RNF144A: variants seen among roughly 807,000 people sequenced by gnomAD.
The protein encoded by RNF144A is ring finger protein 144A.
In RNF144A, 11 loss-of-function variants were observed where a neutral mutation model predicts 38.7. The ratio of observed to expected loss-of-function variants is 0.28; its 90% CI spans 0.18 to 0.47. RNF144A has a LOEUF of 0.47. RNF144A is among the 20% of genes least tolerant of loss of function. RNF144A has a pLI of 0.99. For synonymous variants in RNF144A, 149 were observed against 143.9 expected (o/e 1.04, Z -0.25); for missense variants, 316 against 377.2 (o/e 0.84, Z 1.34).
intron 2 of RNF144A, among the ~76,000 whole-genome samples, chr2:6,983,909 C>G (rs983778979): frequency 6.6e-6 from 1 of 152,210 alleles, no homozygotes; most frequent in African/African-American, 2.4e-5. Flanking sequence ...CAGCACCGAT[C>G]TTGAAACTGC....
downstream of RNF144A, among the ~76,000 whole-genome samples, chr2:7,071,289 A>C (rs1286367377): frequency 6.6e-6 from 1 of 152,140 alleles, no homozygotes; most frequent in Non-Finnish European, 1.5e-5. Flanking sequence ...AGCCAGCTGC[A>C]GATGTGTGGT....
intron 6 of RNF144A, among the ~76,000 whole-genome samples, chr2:7,054,581 G>T (rs1012343256): frequency 6.6e-6 from 1 of 152,188 alleles, no homozygotes; most frequent in Admixed American, 6.5e-5. Context: ...CGGTCTGAAT[G>T]TATGTGTTTC....
Position 6,981,418 on chromosome 2 carries a change from C to T in RNF144A, c.-11-15498C>T, listed in dbSNP as rs547267421. Among the ~76,000 whole-genome samples the T allele has an allele frequency of 4.6e-5, 7 of 152,128 alleles. No homozygotes were observed. In the South Asian group the frequency reaches 6.2e-4, roughly 14 times the overall value. ...TGTGTGCTTTCAGGAAAAGCCAGGT[C>T]GCATCTCGATGCTTTGCTGCTTAGA... On this transcript the variant is annotated intron_variant, in intron 2 of 8. Transcript: ENST00000320892.
chr2:6,936,879 C>G (rs1000701438), intron 1 of RNF144A, among the ~76,000 whole-genome samples: 5 of 69,154 alleles, frequency 7.2e-5, no homozygotes, highest in Admixed American at 1.4e-4. Flanking sequence ...GTGTGTGTGT[C>G]ACTGAGGGCC....
At chr2:6,947,922 GA>G (rs1666442984) in intron 2 of RNF144A, among the ~76,000 whole-genome samples, 1 of 152,214 alleles carries the variant, frequency 6.6e-6, no homozygotes, top group Non-Finnish European at 1.5e-5. Flanking sequence ...GAAGGATGGG[GA>G]AACTGTTCAT....
chr2:6,976,790 C>T (rs1163234824), intron 2 of RNF144A, among the ~76,000 whole-genome samples: 1 of 150,366 alleles, frequency 6.7e-6, no homozygotes, highest in Non-Finnish European at 1.5e-5. Context: ...TCATAATGAA[C>T]AGATGGGGTT....
intron 2 of RNF144A, among the ~76,000 whole-genome samples, chr2:6,979,921 G>T (rs1004256696): frequency 6.6e-6 from 1 of 152,154 alleles, no homozygotes; most frequent in South Asian, 2.1e-4. Context: ...TGCATGGCTG[G>T]GGAGGCCTCA....
intron 6 of RNF144A, among the ~76,000 whole-genome samples, chr2:7,062,132 T>A (rs1031177897): frequency 6.6e-6 from 1 of 152,182 alleles, no homozygotes; most frequent in Non-Finnish European, 1.5e-5. Flanking sequence ...GCTCACTGTG[T>A]CTTGAGCTTT....
At chr2:6,986,835 C>A (rs1174462847) in intron 2 of RNF144A, among the ~76,000 whole-genome samples, 2 of 151,936 alleles carry the variant, frequency 1.3e-5, no homozygotes, top group Non-Finnish European at 2.9e-5. Flanking sequence ...TAGCAAATCC[C>A]TAAACAGCTC....
chr2:7,057,541 T>A (rs1258574422), intron 6 of RNF144A, among the ~76,000 whole-genome samples: 3 of 152,330 alleles, frequency 2.0e-5, no homozygotes, highest in Non-Finnish European at 4.4e-5. Context: ...GATTCTCAAG[T>A]TTTTTTAGTT....
intron 3 of RNF144A, among the ~76,000 whole-genome samples, chr2:7,004,972 A>G (rs1025971468): frequency 1.3e-5 from 2 of 152,234 alleles, no homozygotes; most frequent in Admixed American, 6.5e-5. Context: ...TAAGGCAGGT[A>G]AGAGTGAGGT....
At chr2:6,999,895 C>T (rs770643555) in intron 3 of RNF144A, among the ~76,000 whole-genome samples, 13 of 152,172 alleles carry the variant, frequency 8.5e-5, no homozygotes, top group South Asian at 4.1e-4. Flanking sequence ...TTGCTAATGA[C>T]GGACACCGCA....
chr2:6,997,134 C>A, intron 3 of RNF144A, 73 bp downstream of exon 3: 2 of 1,460,410 alleles, frequency 1.4e-6, no homozygotes, highest in Non-Finnish European at 1.9e-6. Flanking sequence ...TGCAGAGACA[C>A]TAGGCAAACC....
intron 3 of RNF144A, among the ~76,000 whole-genome samples, chr2:7,003,749 A>ACCTGTATGTG (rs1670265396): frequency 1.3e-5 from 2 of 152,250 alleles, no homozygotes; most frequent in Admixed American, 1.3e-4. Flanking sequence ...TATGTGAGCA[A>ACCTGTATGTG]AGCCTGCGAG....
At chr2:7,036,015 T>C (rs1672654523) in intron 8 of RNF144A, among the ~76,000 whole-genome samples, 1 of 152,194 alleles carries the variant, frequency 6.6e-6, no homozygotes. Context: ...GACCGCACGG[T>C]GGGCAGATGT....
In RNF144A at chr2:7,043,047, C is replaced by T. The variant is rs1572471447; in HGVS notation, c.*3287C>T. On this transcript the variant is annotated 3_prime_UTR_variant, in exon 9 of 9. Coordinates refer to ENST00000320892, the MANE Select transcript of RNF144A (RefSeq NM_014746.6). ...CTCACCCAGCTAATTTTTGTATTTT[C>T]AGTAGAGACGGGGTTTCACCATGTT... 1 of 507,058 alleles carries T rather than the reference C, an allele frequency of 2.0e-6. No individual in the cohort carries two copies. The highest frequency in any genetic ancestry group is 2.5e-6 in the Non-Finnish European group (1 of 393,234). The allele number at this position is 507,058 out of a possible 1,614,324, so 31.4% of individuals were successfully genotyped here. A position where few individuals can be genotyped will look rare whatever the true frequency, so the allele number is the denominator to read the frequency against.
intron 2 of RNF144A, among the ~76,000 whole-genome samples, chr2:6,977,170 T>G (rs1157719169): frequency 1.3e-5 from 2 of 152,270 alleles, no homozygotes; most frequent in Admixed American, 6.5e-5. Flanking sequence ...TTACAATTTT[T>G]TAAATGTTCA....
chr2:7,009,086 T>C (rs1670632878), intron 3 of RNF144A, among the ~76,000 whole-genome samples: 1 of 152,214 alleles, frequency 6.6e-6, no homozygotes, highest in South Asian at 2.1e-4. Context: ...CTGCAGGAGA[T>C]GAGGTGTGCA....
At chr2:6,918,016 G>C (rs1221117801) in intron 1 of RNF144A, among the ~76,000 whole-genome samples, 1 of 151,840 alleles carries the variant, frequency 6.6e-6, no homozygotes, top group Non-Finnish European at 1.5e-5. Flanking sequence ...GGTCCCGCGG[G>C]CGAGCTGGCG....
Sources: allele counts gnomAD v4.1 joint callset (sites outside exome capture counted in the v4.1 genomes callset), GRCh38; gene constraint gnomAD v4.1.1; transcripts MANE v1.5; gene names NCBI Gene and HGNC (gene_info 2026-07-23, HGNC 2026-07-21).